ACSL1: variants seen among roughly 807,000 people sequenced by gnomAD.
ACSL1 encodes acyl-CoA synthetase long chain family member 1.
A neutral mutation model predicts 98.4 loss-of-function variants in ACSL1; 41 were observed. That is an observed-to-expected ratio of 0.42 (90% CI 0.32 to 0.54). ACSL1 has a LOEUF of 0.54. Ranked by LOEUF, ACSL1 falls within the 20% of genes least tolerant of loss-of-function variation. The pLI is 0.13. For missense variants in ACSL1, 734 were observed against 883.1 expected, an observed-to-expected ratio of 0.83 and a Z score of 2.14; for synonymous variants, 316 against 322.7, an observed-to-expected ratio of 0.98 and a Z score of 0.22.
At chr4:184,820,408 C>T (rs920555922) in intron 1 of ACSL1, among the ~76,000 whole-genome samples, 3 of 152,170 alleles carry the variant, frequency 2.0e-5, no homozygotes, top group Admixed American at 2.0e-4. Context: ...AAAGTCACAG[C>T]TACATAGCAA....
At chr4:184,797,932 C>T (rs1195233428) in intron 2 of ACSL1, among the ~76,000 whole-genome samples, 1 of 152,230 alleles carries the variant, frequency 6.6e-6, no homozygotes, top group Admixed American at 6.5e-5. Context: ...TCCTCTGTGG[C>T]AGGCTTTATG....
rs72707735 is a variant in ACSL1 at position 184,762,933 on chromosome 4, C to T, written c.1521+234G>A. Among the ~76,000 whole-genome samples, 1,443 of 152,352 alleles carry T rather than the reference C, an allele frequency of 9.5e-3. 14 individuals are homozygous for T. Among genetic ancestry groups the T allele is most frequent in the Non-Finnish European group, 0.015 (988 of 68,030 alleles). On this transcript the variant is annotated intron_variant, in intron 16 of 20. Coordinates refer to ENST00000281455, the MANE Select transcript of ACSL1 (RefSeq NM_001995.5). The stretch of plus-strand genomic sequence containing the variant: ...GGGCCTTTCTTTGCAGGCTCTCCAG[C>T]CCAAATCCCTATGAGGCCTGGCAGA...
At chr4:184,811,393 T>A (rs1457574444) in intron 1 of ACSL1, among the ~76,000 whole-genome samples, 3 of 152,068 alleles carry the variant, frequency 2.0e-5, no homozygotes, top group Non-Finnish European at 2.9e-5. Flanking sequence ...ATTACAGGTG[T>A]GAGCCACCGC....
At chr4:184,801,021 T>C (rs1232938790) in intron 2 of ACSL1, among the ~76,000 whole-genome samples, 2 of 152,006 alleles carry the variant, frequency 1.3e-5, no homozygotes, top group African/African-American at 4.8e-5. Flanking sequence ...CCCAACTAAT[T>C]AAAATAAAAA....
chr4:184,787,025 C>G (rs74608952), intron 3 of ACSL1, among the ~76,000 whole-genome samples: 78 of 152,176 alleles, frequency 5.1e-4, no homozygotes, highest in African/African-American at 1.8e-3. Context: ...TTACATGCAA[C>G]CTATCATGAG....
intron 3 of ACSL1, among the ~76,000 whole-genome samples, chr4:184,786,534 C>T (rs187163412): frequency 6.6e-6 from 1 of 152,096 alleles, no homozygotes; most frequent in East Asian, 1.9e-4. Context: ...GACCTTGACA[C>T]CAACTTTGAG....
intron 15 of ACSL1, among the ~76,000 whole-genome samples, chr4:184,763,682 C>T (rs566851146): frequency 6.6e-6 from 1 of 152,176 alleles, no homozygotes; most frequent in African/African-American, 2.4e-5. Context: ...CACGCACCAC[C>T]TGGTTCTGAT....
chr4:184,793,556 T>C (rs893928219), intron 2 of ACSL1, among the ~76,000 whole-genome samples: 1 of 152,204 alleles, frequency 6.6e-6, no homozygotes, highest in African/African-American at 2.4e-5. Context: ...TTCATCTCCA[T>C]CTCCAAATGG....
rs778163684 is a variant in ACSL1, at chr4:184,768,428, G to A, written c.1016C>T (p.Ala339Val). Residue 339 changes from alanine to valine, a missense_variant, in exon 12 of 21, where the codon GCT (alanine) becomes GTT (valine). Transcript: ENST00000281455. The part of the protein sequence containing the change: ...VVECVMLCHG[A>V]KIGFFQGDIR... The stretch of plus-strand genomic sequence containing the variant: ...ATCTCCTTGGAAAAATCCGATTTTA[G>A]CTCCATGACACAGCATTACACACTA... 1.9e-6 allele frequency: 3 copies of A among 1,613,506 alleles called. No individual in the cohort carries two copies. The highest frequency in any genetic ancestry group is 1.3e-5 in the African/African-American group (1 of 74,846).
chr4:184,795,462 G>A (rs1410022660), intron 2 of ACSL1, among the ~76,000 whole-genome samples: 1 of 152,210 alleles, frequency 6.6e-6, no homozygotes, highest in Non-Finnish European at 1.5e-5. Context: ...CGTATCTGTA[G>A]TGACCTTTAG....
Position 184,776,897 on chromosome 4 carries a change from G to C in ACSL1, c.564C>G (p.Tyr188Ter). The C allele has an allele frequency of 1.2e-6, 2 of 1,614,096 alleles. No individual in the cohort carries two copies. The highest frequency in any genetic ancestry group is 1.7e-6 in the Non-Finnish European group (2 of 1,179,970). Residue 188 changes from tyrosine to a stop codon, truncating the protein, a stop_gained, in exon 6 of 21, where the codon TAC becomes TAG. Transcript: ENST00000281455. LOFTEE classifies it high-confidence loss of function. ...YDTLGNEAIT[Y>*]IVNKAELSLV... ...TCACAGACGTACCTTTGTTGACTAT[G>C]TACGTGATGGCTTCATTTCCAAGGG... is the stretch of plus-strand genomic sequence containing the variant.
intron 1 of ACSL1, among the ~76,000 whole-genome samples, chr4:184,810,681 A>G (rs1771966558): frequency 6.6e-6 from 1 of 152,156 alleles, no homozygotes; most frequent in South Asian, 2.1e-4. Flanking sequence ...CAGGGCTCGC[A>G]CTTTCGCACA....
Position 184,773,984 on chromosome 4 carries a change from C to A in ACSL1, c.757-109G>T. 3 of 1,218,812 alleles carry A rather than the reference C, an allele frequency of 2.5e-6. No homozygotes were observed. In the South Asian group the frequency reaches 3.9e-5, roughly 16 times the overall value. 75.5% of individuals were successfully genotyped at this position (1,218,812 alleles called of 1,614,324 possible). A position where few individuals can be genotyped will look rare whatever the true frequency, so the allele number is the denominator to read the frequency against. On this transcript the variant is annotated intron_variant, in intron 7 of 20. Coordinates refer to ENST00000281455, the MANE Select transcript of ACSL1 (RefSeq NM_001995.5). The surrounding 1 kb of genome is among the most constrained non-coding windows in gnomAD (Gnocchi z 4.3). ...GCTTTACTGTGGGGTTCATTCACAC[C>A]TGGCTCGAAAACAGCATAATTTTCT...
At chr4:184,808,465 C>T in intron 1 of ACSL1, 1 of 985,460 alleles carries the variant, frequency 1.0e-6, no homozygotes, top group Non-Finnish European at 1.2e-6. Flanking sequence ...ACCCTTGCCC[C>T]TGCAGTGGCA....
intron 2 of ACSL1, among the ~76,000 whole-genome samples, chr4:184,797,767 T>C (rs1769698721): frequency 6.6e-6 from 1 of 152,180 alleles, no homozygotes; most frequent in Non-Finnish European, 1.5e-5. Flanking sequence ...GTCCGAGCGG[T>C]ACTTCCTGCT....
At chr4:184,811,362 T>C (rs1772087051) in intron 1 of ACSL1, among the ~76,000 whole-genome samples, 1 of 152,146 alleles carries the variant, frequency 6.6e-6, no homozygotes, top group Non-Finnish European at 1.5e-5. Flanking sequence ...TCTGCCCGCC[T>C]TGGCCTCCCA....
intron 2 of ACSL1, 80 bp from the exon 3 acceptor site, chr4:184,788,811 A>C (rs780872474): frequency 5.5e-5 from 57 of 1,033,502 alleles, no homozygotes; most frequent in Non-Finnish European, 8.1e-5. Context: ...AAGCTAATTA[A>C]CATATCCATT....
chr4:184,795,975 T>C (rs1769286139), intron 2 of ACSL1, among the ~76,000 whole-genome samples: 1 of 152,224 alleles, frequency 6.6e-6, no homozygotes, highest in South Asian at 2.1e-4. Flanking sequence ...AGTGTCAACT[T>C]GATTAGATCG....
In ACSL1 at chr4:184,803,412, C is replaced by G; in HGVS notation, c.103G>C (p.Ala35Pro). Residue 35 changes from alanine (A) to proline (P), a missense_variant, in exon 2 of 21, where the codon GCT (alanine) becomes CCT (proline). By Grantham distance (27) the Ala-to-Pro change is conservative (BLOSUM62 -1). Transcript: ENST00000281455. This position sits in a 1 kb window ranked among gnomAD's most constrained non-coding sequence, Gnocchi z 4.8. Reference sequence around the variant, plus strand: ...CAGAAGGTGGTGAGTGCTGCAAAAGCTCCGAAGCCCATAAGCGTGTTGGTC... The same window carrying G: ...CAGAAGGTGGTGAGTGCTGCAAAAGGTCCGAAGCCCATAAGCGTGTTGGTC... ...LPTNTLMGFG[A>P]FAALTTFWYA... 3 of 1,614,038 alleles carry G rather than the reference C, an allele frequency of 1.9e-6. No individual in the cohort carries two copies. The highest frequency in any genetic ancestry group is 2.5e-6 in the Non-Finnish European group (3 of 1,179,982).
Sources: allele counts gnomAD v4.1 joint callset (sites outside exome capture counted in the v4.1 genomes callset), GRCh38; gene constraint gnomAD v4.1.1; non-coding constraint Gnocchi (gnomAD v3.1); transcripts MANE v1.5; gene names NCBI Gene and HGNC (gene_info 2026-07-23, HGNC 2026-07-21).